Variants in SLC52A1 observed in about 807,000 individuals in gnomAD.
SLC52A1 encodes solute carrier family 52 member 1.
In SLC52A1, 20 loss-of-function variants were observed where a neutral mutation model predicts 23.2. That is an observed-to-expected ratio of 0.86 (90% CI 0.61 to 1.25). SLC52A1 has a LOEUF of 1.25. Among genes scored for constraint, SLC52A1 ranks in the 50% most tolerant of loss-of-function variants. The pLI is 0.00. For missense variants in SLC52A1, 528 were observed against 557.0 expected (o/e 0.95, Z 0.52); for synonymous variants, 260 against 256.6 (o/e 1.01, Z -0.13).
chr17:5,034,399 T>A, intron 2 of SLC52A1, 41 bp from the exon 3 acceptor site: 4 of 1,601,428 alleles, frequency 2.5e-6, no homozygotes, highest in Non-Finnish European at 3.4e-6. Flanking sequence ...GCACAGTGGC[T>A]AAGGGACAAA....
upstream of SLC52A1, among the ~76,000 whole-genome samples, chr17:5,040,106 G>A (rs1292067526): frequency 2.0e-5 from 3 of 152,172 alleles, no homozygotes; most frequent in African/African-American, 4.8e-5. Flanking sequence ...GAAGTAGAAA[G>A]TGGAAGAACA....
At chr17:5,038,108 C>T (rs370247983), upstream of SLC52A1, among the ~76,000 whole-genome samples, 216 of 151,306 alleles carry the variant, frequency 1.4e-3, no homozygotes, top group South Asian at 6.3e-3. Flanking sequence ...TTAGTAGAGA[C>T]GGGGTTTCAC....
chr17:5,033,928 G>T lies in SLC52A1; in HGVS notation c.561C>A (p.Phe187Leu), dbSNP rs1975389143. The T allele has an allele frequency of 6.2e-7, 1 of 1,614,100 alleles. No individual in the cohort carries two copies. The change falls in exon 3 of 5, where the codon TTC becomes TTA. Residue 187 changes from phenylalanine (F) to leucine (L), a missense_variant. Transcript: ENST00000254853. ...TNGTSGPPLD[F>L]PERFPASTFF... ...AGGTGCTGGCAGGAAAACGCTCAGGGAAGTCGAGGGGAGGCCCAGAGGTGC... is the reference window on the plus strand; with the variant it reads ...AGGTGCTGGCAGGAAAACGCTCAGGTAAGTCGAGGGGAGGCCCAGAGGTGC...
rs373793198 is a variant in SLC52A1, at chr17:5,033,810, C to A, written c.679G>T (p.Gly227Trp). The A allele has an allele frequency of 6.2e-7, 1 of 1,614,228 alleles. No homozygotes were observed. Among genetic ancestry groups the A allele is most frequent in the Admixed American group, 1.7e-5 (1 of 60,028 alleles). ...AGTTGAAGTTCAGGCCCTGAGCCCCCTGTGGTTACAGAGGGTAGTGATGGC... is the reference window on the plus strand; with the variant it reads ...AGTTGAAGTTCAGGCCCTGAGCCCCATGTGGTTACAGAGGGTAGTGATGGC... Reference protein sequence around the residue: ...LLPSLPSVTTGGSGPELQLGS... With the variant: ...LLPSLPSVTTWGSGPELQLGS... Residue 227 changes from glycine to tryptophan, a missense_variant, in exon 3 of 5, where the codon GGG (glycine) becomes TGG (tryptophan). Transcript: ENST00000254853.
At chr17:5,041,018 A>G (rs1024785595) in intron 1 of SLC52A1, among the ~76,000 whole-genome samples, 2 of 151,556 alleles carry the variant, frequency 1.3e-5, no homozygotes, top group African/African-American at 2.4e-5. Flanking sequence ...GATGGTCTCG[A>G]TCTCCTGACC....
At position 5,032,762 on chromosome 17, in the gene SLC52A1, A is replaced by G; in HGVS notation, c.*195T>C. 1.7e-6 allele frequency: 1 copy of G among 595,688 alleles called. No individual in the cohort carries two copies. 36.9% of individuals were successfully genotyped at this position (595,688 alleles called of 1,614,324 possible). ...CCCTGGGTCCAAGCCCACAGCCCCA[A>G]CCTGTCCCCTGGCTCTGGGCCTGGT... is the stretch of plus-strand genomic sequence containing the variant. On this transcript the variant is annotated 3_prime_UTR_variant, in exon 5 of 5. Transcript: ENST00000254853.
Position 5,033,076 on chromosome 17 carries a change from C to T in SLC52A1, c.1228G>A (p.Ala410Thr). Residue 410 changes from alanine to threonine, a missense_variant, in exon 5 of 5, where the codon GCA becomes ACA. Ala to Thr is a moderately conservative substitution (Grantham distance 58). Transcript: ENST00000254853. ...CCCACTTGGATGGCCACACCAGCTG[C>T]CAGCAATGCCGGCCGACCCCCACCA... ...LHGGGRPALL[A>T]AGVAIQVGSL... 1 of 1,613,660 alleles carries T rather than the reference C, an allele frequency of 6.2e-7. No homozygotes were observed. The highest frequency in any genetic ancestry group is 8.5e-7 in the Non-Finnish European group (1 of 1,179,992).
At chr17:5,040,546 G>A (rs1421737565) in intron 1 of SLC52A1, among the ~76,000 whole-genome samples, 1 of 152,128 alleles carries the variant, frequency 6.6e-6, no homozygotes. Context: ...TCGACACTAC[G>A]TGCCTCAAAC....
upstream of SLC52A1, among the ~76,000 whole-genome samples, chr17:5,039,563 C>G (rs1312042679): frequency 6.7e-6 from 1 of 150,216 alleles, no homozygotes; most frequent in Admixed American, 6.6e-5. Flanking sequence ...CATCCGCCTC[C>G]TGGGTTCAAG....
chr17:5,037,512 C>T (rs1043881558), upstream of SLC52A1, among the ~76,000 whole-genome samples: 4 of 152,068 alleles, frequency 2.6e-5, no homozygotes, highest in Non-Finnish European at 5.9e-5. Context: ...GAGCGAGACT[C>T]CATCCACCCC....
rs762541050 is a variant in SLC52A1 at position 5,034,345 on chromosome 17, G to A, written c.144C>T (p.Pro48=). ...GCGCCACAACCACAGAGAGGTATGA[G>A]GGGAGGCTCCAACCTGCAGGGAAGG... is the stretch of plus-strand genomic sequence containing the variant. ...VKDLPEGWSL[P]SYLSVVVALG... is the part of the protein sequence containing the mutation. The change falls in exon 3 of 5, where the codon CCC becomes CCT. Residue 48 remains proline, a synonymous_variant. Coordinates refer to ENST00000254853, the MANE Select transcript of SLC52A1 (RefSeq NM_017986.4). 6.3e-7 allele frequency: 1 copy of A among 1,582,994 alleles called. No homozygotes were observed. Among genetic ancestry groups the A allele is most frequent in the Non-Finnish European group, 8.6e-7 (1 of 1,164,228 alleles).
Position 5,035,006 on chromosome 17 carries a change from T to C in SLC52A1, c.-253A>G. The C allele has an allele frequency of 4.4e-6, 1 of 226,642 alleles. No individual in the cohort carries two copies. Among genetic ancestry groups the C allele is most frequent in the South Asian group, 7.1e-5 (1 of 14,054 alleles). The allele number at this position is 226,642 out of a possible 1,614,324, so 14.0% of individuals were successfully genotyped here. ...CCCACAGAGGACCCGGGGTCCAAGT[T>C]GTCAAAACAGCTCAGCACTGGCCGG... is the stretch of plus-strand genomic sequence containing the variant. On this transcript the variant is annotated 5_prime_UTR_variant, in exon 1 of 5. Coordinates refer to ENST00000254853, the MANE Select transcript of SLC52A1 (RefSeq NM_017986.4).
In SLC52A1 at chr17:5,033,304, G is replaced by A; in HGVS notation, c.1091C>T (p.Pro364Leu). ...AYLMALAILS[P>L]CPPLVGTTAG... is the part of the protein sequence containing the mutation. ...AGTGGTGCCCACCAGGGGTGGGCAG[G>A]GGCTCAGGATTGCCAGTGCCATCAG... Residue 364 changes from proline (P) to leucine (L), a missense_variant, in exon 4 of 5, where the codon CCC (proline) becomes CTC (leucine). By Grantham distance (98) the Pro-to-Leu change is moderately conservative. Coordinates refer to ENST00000254853, the MANE Select transcript of SLC52A1 (RefSeq NM_017986.4). 7 of 1,614,130 alleles carry A rather than the reference G, an allele frequency of 4.3e-6. No individual in the cohort carries two copies. Among genetic ancestry groups the A allele is most frequent in the Non-Finnish European group, 5.9e-6 (7 of 1,180,010 alleles).
At chr17:5,037,731 G>A (rs1014838732), upstream of SLC52A1, among the ~76,000 whole-genome samples, 1 of 151,980 alleles carries the variant, frequency 6.6e-6, no homozygotes, top group Non-Finnish European at 1.5e-5. Flanking sequence ...CCCTCACTAG[G>A]ATGTACGTTT....
At chr17:5,039,272 G>C (rs892225800), upstream of SLC52A1, among the ~76,000 whole-genome samples, 1 of 151,514 alleles carries the variant, frequency 6.6e-6, no homozygotes, top group Non-Finnish European at 1.5e-5. Flanking sequence ...ACAGTGAGCT[G>C]AGATCGTGCC....
upstream of SLC52A1, among the ~76,000 whole-genome samples, chr17:5,038,692 T>C (rs895935894): frequency 1.2e-4 from 18 of 151,914 alleles, no homozygotes; most frequent in African/African-American, 3.9e-4. Context: ...GTTCACACCA[T>C]TCTCCTGCCT....
At chr17:5,039,561 T>C (rs531512873), upstream of SLC52A1, among the ~76,000 whole-genome samples, 4 of 148,650 alleles carry the variant, frequency 2.7e-5, no homozygotes, top group South Asian at 8.7e-4. Context: ...AACATCCGCC[T>C]CCTGGGTTCA....
chr17:5,038,108 C>CG (rs1254043860), upstream of SLC52A1, among the ~76,000 whole-genome samples: 1 of 151,280 alleles, frequency 6.6e-6, no homozygotes, highest in Non-Finnish European at 1.5e-5. Context: ...TTAGTAGAGA[C>CG]GGGGTTTCAC....
chr17:5,034,037 T>C lies in SLC52A1; in HGVS notation c.452A>G (p.Gln151Arg). Reference protein sequence around the residue: ...PPFLRSFFLGQGLSALLPCVL... With the variant: ...PPFLRSFFLGRGLSALLPCVL... The stretch of plus-strand genomic sequence containing the variant: ...ACAGGGGAGTAGGGCACTGAGACCC[T>C]GACCCAGGAAGAAAGACCGTAAGAA... Residue 151 changes from glutamine to arginine, a missense_variant, in exon 3 of 5, where the codon CAG (glutamine) becomes CGG (arginine). Gln to Arg is a conservative substitution (Grantham distance 43). Coordinates refer to ENST00000254853, the MANE Select transcript of SLC52A1 (RefSeq NM_017986.4). 6.2e-7 allele frequency: 1 copy of C among 1,614,100 alleles called. No individual in the cohort carries two copies.
Sources: gnomAD v4.1 joint callset for allele counts (sites outside exome capture counted in the v4.1 genomes callset) on GRCh38, gnomAD v4.1.1 for gene constraint, MANE v1.5 for transcripts, NCBI Gene and HGNC (gene_info 2026-07-23, HGNC 2026-07-21) for gene names.